SHB: variants seen among roughly 807,000 people sequenced by gnomAD.
The protein encoded by SHB is SH2 domain containing adaptor protein B, also known as SH2 domain-containing adapter protein B.
Under a neutral mutation model 52.3 loss-of-function variants are expected in SHB, and 20 were observed. The observed-to-expected ratio is 0.38, with a 90% confidence interval of 0.27 to 0.56. The LOEUF is 0.56. SHB is among the 20% of genes least tolerant of loss of function. The pLI, the probability that SHB is intolerant of heterozygous loss-of-function variation, is 0.71. For missense variants in SHB, 825 were observed against 723.3 expected (o/e 1.14, Z -1.61); for synonymous variants, 397 against 316.5 (o/e 1.25, Z -2.70).
intron 2 of SHB, among the ~76,000 whole-genome samples, chr9:37,977,233 A>C (rs1271437671): frequency 6.6e-6 from 1 of 152,194 alleles, no homozygotes; most frequent in African/African-American, 2.4e-5. Context: ...GAATGAATAA[A>C]AACCAGCAAG....
At chr9:37,956,320 C>T (rs554012502) in intron 3 of SHB, among the ~76,000 whole-genome samples, 2 of 152,268 alleles carry the variant, frequency 1.3e-5, no homozygotes, top group East Asian at 3.9e-4. Context: ...AGAAACCTCC[C>T]TGTGGCCTCT....
chr9:37,966,841 A>C, intron 3 of SHB, among the ~76,000 whole-genome samples: 1 of 152,216 alleles, frequency 6.6e-6, no homozygotes, highest in South Asian at 2.1e-4. Flanking sequence ...TGGTGGGAAT[A>C]GCAAGTGTGG....
chr9:38,026,327 C>A (rs1821343806), intron 1 of SHB, among the ~76,000 whole-genome samples: 1 of 152,236 alleles, frequency 6.6e-6, no homozygotes, highest in Non-Finnish European at 1.5e-5. Flanking sequence ...AGAGCTCAGG[C>A]CTGGAGGAGC....
intron 1 of SHB, among the ~76,000 whole-genome samples, chr9:38,038,383 A>G (rs573062944): frequency 1.3e-5 from 2 of 152,160 alleles, no homozygotes; most frequent in Admixed American, 1.3e-4. Context: ...TGTGTCTGTC[A>G]CTTCCCCTTC....
intron 1 of SHB, among the ~76,000 whole-genome samples, chr9:38,036,516 G>A (rs910062374): frequency 6.6e-6 from 1 of 152,242 alleles, no homozygotes; most frequent in Admixed American, 6.5e-5. Context: ...GAGCCCTTGG[G>A]AATGTTGCAA....
chr9:38,008,818 TGA>T (rs901384132), intron 2 of SHB, among the ~76,000 whole-genome samples: 1 of 151,400 alleles, frequency 6.6e-6, no homozygotes, highest in African/African-American at 2.4e-5. Flanking sequence ...CTGGAGAGGG[TGA>T]GAGGCAGCAG....
chr9:37,949,428 A>G (rs956459355), intron 4 of SHB, among the ~76,000 whole-genome samples: 4 of 151,678 alleles, frequency 2.6e-5, no homozygotes, highest in African/African-American at 9.7e-5. Context: ...AAAAAAGAAA[A>G]TGGAAAAAAA....
chr9:37,965,306 T>C (rs992247530), intron 3 of SHB, among the ~76,000 whole-genome samples: 16 of 152,196 alleles, frequency 1.1e-4, no homozygotes, highest in Non-Finnish European at 1.6e-4. Context: ...CAATGTGGCA[T>C]CTGGATTCAT....
intron 2 of SHB, among the ~76,000 whole-genome samples, chr9:37,989,425 T>C (rs964571742): frequency 6.6e-6 from 1 of 152,114 alleles, no homozygotes; most frequent in African/African-American, 2.4e-5. Flanking sequence ...AGCCCAAGGA[T>C]CTTGGTGGGA....
chr9:37,942,196 C>A (rs183087406), intron 5 of SHB, among the ~76,000 whole-genome samples: 1 of 152,326 alleles, frequency 6.6e-6, no homozygotes, highest in Non-Finnish European at 1.5e-5. Context: ...TATTTGCCGG[C>A]TAAAGACTGA....
In SHB at chr9:38,058,658, TG is replaced by T. The variant is rs1237686050; in HGVS notation, c.717+9270del. On this transcript the variant is annotated intron_variant, in intron 1 of 5. Transcript: ENST00000377707. ...TAGCGAGGAAGGCCTCTTCAATGCT[TG>T]TGAGTTCCGACATCCTCTGCCCCAC... is the stretch of plus-strand genomic sequence containing the variant. 2.0e-5 allele frequency among the ~76,000 whole-genome samples: 3 copies of T among 152,130 alleles called. No individual in the cohort carries two copies. The East Asian group carries it at 5.8e-4, about 29-fold the overall frequency.
chr9:38,026,416 C>T (rs1333502156), intron 1 of SHB, among the ~76,000 whole-genome samples: 1 of 152,252 alleles, frequency 6.6e-6, no homozygotes, highest in Non-Finnish European at 1.5e-5. Flanking sequence ...AGGATCATTT[C>T]TCCCCGAACG....
At chr9:38,031,691 A>G (rs1479775446) in intron 1 of SHB, among the ~76,000 whole-genome samples, 1 of 152,220 alleles carries the variant, frequency 6.6e-6, no homozygotes, top group Non-Finnish European at 1.5e-5. Flanking sequence ...GCTGGTTTCC[A>G]TGAAACACCA....
Position 37,918,158 on chromosome 9 carries a change from C to G in SHB, c.*1663G>C, listed in dbSNP as rs971599220. On this transcript the variant is annotated 3_prime_UTR_variant, in exon 6 of 6. Transcript: ENST00000377707. ...CTCTGCCCAGGTGGGCCAGGGATGA[C>G]AGTCGTCAAACTTCTAGTTCATTCA... Among the ~76,000 whole-genome samples, 3 of 152,244 alleles carry G rather than the reference C, an allele frequency of 2.0e-5. No individual in the cohort carries two copies. The highest frequency in any genetic ancestry group is 2.9e-5 in the Non-Finnish European group (2 of 68,046).
At chr9:38,065,553 G>A (rs1821950729) in intron 1 of SHB, among the ~76,000 whole-genome samples, 2 of 152,114 alleles carry the variant, frequency 1.3e-5, no homozygotes, top group Non-Finnish European at 2.9e-5. Context: ...CAGCCCTATA[G>A]GTGCACTAAA....
At chr9:38,030,565 G>A (rs1469623053) in intron 1 of SHB, among the ~76,000 whole-genome samples, 1 of 152,144 alleles carries the variant, frequency 6.6e-6, no homozygotes, top group Non-Finnish European at 1.5e-5. Context: ...AGTATATCAG[G>A]GACTGATGTT....
chr9:38,007,840 G>A (rs1278125026), intron 2 of SHB, among the ~76,000 whole-genome samples: 1 of 152,164 alleles, frequency 6.6e-6, no homozygotes, highest in African/African-American at 2.4e-5. Flanking sequence ...CAGAGAGGTG[G>A]GGGAGGGGTG....
rs1401244315 is a variant in SHB at position 37,943,431 on chromosome 9, C to T, written c.1346+5204G>A. On this transcript the variant is annotated intron_variant, in intron 5 of 5. Coordinates refer to ENST00000377707, the MANE Select transcript of SHB (RefSeq NM_003028.3). Reference sequence around the variant, plus strand: ...GACGGGGCAGAGCTCATTGGCTGGGCTGGAGAGGCTGTGAACAACCAAGTG... The same window carrying T: ...GACGGGGCAGAGCTCATTGGCTGGGTTGGAGAGGCTGTGAACAACCAAGTG... Among the ~76,000 whole-genome samples, 7 of 152,160 alleles carry T rather than the reference C, an allele frequency of 4.6e-5. No homozygotes were observed. In the East Asian group the frequency reaches 1.3e-3, roughly 29 times the overall value.
intron 1 of SHB, among the ~76,000 whole-genome samples, chr9:38,019,448 G>GT (rs1368191755): frequency 6.6e-6 from 1 of 152,224 alleles, no homozygotes; most frequent in African/African-American, 2.4e-5. Flanking sequence ...GGGCCCCTGT[G>GT]TTTTTATCTT....
Sources: allele counts gnomAD v4.1 joint callset (sites outside exome capture counted in the v4.1 genomes callset), GRCh38; gene constraint gnomAD v4.1.1; transcripts MANE v1.5; gene names NCBI Gene and HGNC (gene_info 2026-07-23, HGNC 2026-07-21).